TUBA1C: variants seen among roughly 807,000 people sequenced by gnomAD.
The protein encoded by TUBA1C is tubulin alpha-1C chain.
TUBA1C carries 16 observed loss-of-function variants against 34.9 expected under a neutral mutation model. The ratio of observed to expected loss-of-function variants is 0.46; its 90% CI spans 0.31 to 0.70. TUBA1C has a LOEUF of 0.70. Among genes scored for constraint, TUBA1C ranks in the 30% least tolerant of loss-of-function variants. TUBA1C has a pLI of 0.05. For synonymous variants in TUBA1C, 177 were observed against 215.9 expected (o/e 0.82, Z 1.58); for missense variants, 329 against 587.3 (o/e 0.56, Z 4.55).
In TUBA1C at chr12:49,265,145, C is replaced by T; in HGVS notation, c.-37C>T. On this transcript the variant is annotated 5_prime_UTR_variant, in exon 1 of 4. Transcript: ENST00000301072. ...GGAGATCCTTGTTGCCGTCCCTTCG[C>T]CTCCTTCACCGCCGCAGACCCCTTC... 1 of 1,598,154 alleles carries T rather than the reference C, an allele frequency of 6.3e-7. No homozygotes were observed. Among genetic ancestry groups the T allele is most frequent in the East Asian group, 2.2e-5 (1 of 44,538 alleles).
intron 1 of TUBA1C, among the ~76,000 whole-genome samples, chr12:49,228,322 C>T (rs1459075196): frequency 1.3e-5 from 2 of 152,166 alleles, no homozygotes; most frequent in African/African-American, 4.8e-5. Flanking sequence ...ATTATTTCTG[C>T]AATCCTTTTT....
upstream of TUBA1C, among the ~76,000 whole-genome samples, chr12:49,263,501 T>G (rs1180889221): frequency 6.6e-6 from 1 of 152,050 alleles, no homozygotes; most frequent in Non-Finnish European, 1.5e-5. Flanking sequence ...TCTCTACACA[T>G]ATGTTCCACA....
At chr12:49,243,160 T>C (rs1451227149) in intron 1 of TUBA1C, among the ~76,000 whole-genome samples, 1 of 152,086 alleles carries the variant, frequency 6.6e-6, no homozygotes, top group African/African-American at 2.4e-5. Flanking sequence ...TGAAATAAGG[T>C]GCAGGCTGGT....
At chr12:49,265,978 A>AC (rs929325193) in intron 1 of TUBA1C, among the ~76,000 whole-genome samples, 3 of 147,418 alleles carry the variant, frequency 2.0e-5, no homozygotes, top group East Asian at 4.0e-4. Flanking sequence ...AAAAACAAAA[A>AC]AAAACGCTGG....
Position 49,227,958 on chromosome 12 carries a change from C to T in TUBA1C, c.5C>T (p.Thr2Ile), listed in dbSNP as rs1192721326. 9.8e-6 allele frequency: 15 copies of T among 1,535,552 alleles called. No homozygotes were observed. The East Asian group carries it at 3.7e-4, about 38-fold the overall frequency. ...CAATGGGCGCCCAGCTCTAAAATGA[C>T]AGCCTGGTTCAATGGGGTGGAGGAG... Residue 2 changes from threonine to isoleucine, a missense_variant, in exon 1 of 4, where the codon ACA becomes ATA. By Grantham distance (89) the Thr-to-Ile change is moderately conservative. Transcript: ENST00000541364.
intron 1 of TUBA1C, chr12:49,228,315 A>G: frequency 1.3e-6 from 1 of 780,392 alleles, no homozygotes; most frequent in Non-Finnish European, 2.0e-6. Context: ...TTATCTTATT[A>G]TTTCTGCAAT....
At chr12:49,241,935 C>T (rs535499682) in intron 1 of TUBA1C, among the ~76,000 whole-genome samples, 1 of 151,956 alleles carries the variant, frequency 6.6e-6, no homozygotes, top group African/African-American at 2.4e-5. Context: ...CAGGTGTGAG[C>T]CACTGTGCCC....
intron 1 of TUBA1C, among the ~76,000 whole-genome samples, chr12:49,228,896 AG>A (rs971567811): frequency 2.6e-5 from 4 of 152,180 alleles, no homozygotes; most frequent in Admixed American, 2.6e-4. Flanking sequence ...TCTGCAGATA[AG>A]GAAACTAAGG....
At chr12:49,271,043 G>GACCT (rs1355684729) in intron 3 of TUBA1C, among the ~76,000 whole-genome samples, 1 of 152,152 alleles carries the variant, frequency 6.6e-6, no homozygotes, top group Non-Finnish European at 1.5e-5. Flanking sequence ...GAAAATCAGG[G>GACCT]ACCTGCCTTT....
chr12:49,239,281 C>T (rs887502789), intron 1 of TUBA1C, among the ~76,000 whole-genome samples: 5 of 152,152 alleles, frequency 3.3e-5, no homozygotes, highest in Admixed American at 2.6e-4. Context: ...CTTACAGGAG[C>T]TGAGAGCCAG....
chr12:49,253,086 T>TA (rs896502071), intron 1 of TUBA1C, among the ~76,000 whole-genome samples: 1,914 of 95,418 alleles, frequency 0.02, 15 homozygotes, highest in African/African-American at 0.023. Context: ...GACCCTATCT[T>TA]AAAAAAAAAA....
At chr12:49,235,263 A>AT (rs898256173) in intron 1 of TUBA1C, among the ~76,000 whole-genome samples, 5 of 151,982 alleles carry the variant, frequency 3.3e-5, no homozygotes, top group African/African-American at 1.2e-4. Flanking sequence ...TAAAAAAAAA[A>AT]AAAATTCCCC....
chr12:49,241,740 C>T (rs973978641), intron 1 of TUBA1C, among the ~76,000 whole-genome samples: 2 of 151,678 alleles, frequency 1.3e-5, no homozygotes. Context: ...ACCTCTGCCT[C>T]CCGGATTCAA....
intron 1 of TUBA1C, 118 bp from the exon 2 acceptor site, chr12:49,269,347 G>A: frequency 1.3e-6 from 2 of 1,494,730 alleles, no homozygotes; most frequent in Non-Finnish European, 9.0e-7. Flanking sequence ...ACAGGTGTGA[G>A]TCACTGCGCC....
rs753996454 is a variant in TUBA1C at position 49,270,094 on chromosome 12, A to G, written c.375+118A>G. Reference sequence around the variant, plus strand: ...ACTATTTGCATTGCAACTAAAATGTATCTGTTCACTAAATTAATTGGATTT... The same window carrying G: ...ACTATTTGCATTGCAACTAAAATGTGTCTGTTCACTAAATTAATTGGATTT... On this transcript the variant is annotated intron_variant, in intron 3 of 3. Coordinates refer to ENST00000301072, the MANE Select transcript of TUBA1C (RefSeq NM_032704.5). The G allele has an allele frequency of 1.9e-6, 3 of 1,578,676 alleles. No homozygotes were observed. In the African/African-American group the frequency reaches 4.0e-5, roughly 21 times the overall value.
intron 1 of TUBA1C, among the ~76,000 whole-genome samples, chr12:49,259,488 G>A (rs1412227629): frequency 6.6e-6 from 1 of 152,182 alleles, no homozygotes; most frequent in African/African-American, 2.4e-5. Context: ...CTCCCAAAAT[G>A]CTGGGATTAT....
intron 1 of TUBA1C, among the ~76,000 whole-genome samples, chr12:49,228,324 A>G (rs1412725297): frequency 6.6e-6 from 1 of 152,200 alleles, no homozygotes; most frequent in East Asian, 1.9e-4. Flanking sequence ...TATTTCTGCA[A>G]TCCTTTTTAT....
At chr12:49,240,313 AAAG>A (rs1459217088) in intron 1 of TUBA1C, among the ~76,000 whole-genome samples, 7 of 150,356 alleles carry the variant, frequency 4.7e-5, no homozygotes, top group Middle Eastern at 3.4e-3. Flanking sequence ...AAAAAAAAAA[AAAG>A]AAAGAAACAC....
chr12:49,233,738 T>C (rs1040664342), intron 1 of TUBA1C: 1 of 152,218 alleles, frequency 6.6e-6, no homozygotes, highest in Non-Finnish European at 1.5e-5. Flanking sequence ...CGGAGATGAA[T>C]GATTATGACG....
Sources: gnomAD v4.1 joint callset for allele counts (sites outside exome capture counted in the v4.1 genomes callset) on GRCh38, gnomAD v4.1.1 for gene constraint, MANE v1.5 for transcripts, NCBI Gene and HGNC (gene_info 2026-07-23, HGNC 2026-07-21) for gene names.